BLTP1: variants seen among roughly 807,000 people sequenced by gnomAD.
The protein encoded by BLTP1 is fragile site-associated protein.
At chr4:122,325,961 A>C in the BLTP1 span, 5 of 525,556 alleles carry the variant, frequency 9.5e-6, no homozygotes, top group African/African-American at 2.0e-5. Context: ...AAACTAATCA[A>C]CCACACTGAA....
chr4:122,246,047 A>C, the BLTP1 span: 1 of 1,264,758 alleles, frequency 7.9e-7, no homozygotes, highest in Middle Eastern at 2.2e-4. Context: ...CGCAGCTGGC[A>C]CATAGATAGG....
At chr4:122,241,243 C>T in the BLTP1 span, among the ~76,000 whole-genome samples, 1 of 152,158 alleles carries the variant, frequency 6.6e-6, no homozygotes, top group Admixed American at 6.5e-5. Flanking sequence ...GAGGCAACTG[C>T]CTTCCTAAAG....
the BLTP1 span, chr4:122,347,843 C>T: frequency 8.3e-7 from 1 of 1,202,840 alleles, no homozygotes; most frequent in Non-Finnish European, 1.2e-6. Context: ...CTTAGTTACT[C>T]TCAGATTTCA....
the BLTP1 span, chr4:122,289,798 T>C: frequency 2.0e-6 from 2 of 982,024 alleles, no homozygotes; most frequent in Non-Finnish European, 2.4e-6. Context: ...GTTTCCTTTA[T>C]GCTCATGGAT....
chr4:122,337,089 C>T, the BLTP1 span: 1 of 1,375,848 alleles, frequency 7.3e-7, no homozygotes, highest in Non-Finnish European at 1.0e-6. Flanking sequence ...TTGAACATTT[C>T]AACATTATTA....
the BLTP1 span, chr4:122,188,002 A>G: frequency 6.3e-7 from 1 of 1,594,772 alleles, no homozygotes; most frequent in African/African-American, 1.4e-5. Context: ...ATCTTGACCA[A>G]TTCATGCATA....
At chr4:122,223,979 T>C in the BLTP1 span, 1 of 975,598 alleles carries the variant, frequency 1.0e-6, no homozygotes, top group African/African-American at 1.7e-5. Flanking sequence ...TACGTGCTGC[T>C]TTTTAGTAGT....
chr4:122,265,775 T>C, the BLTP1 span, among the ~76,000 whole-genome samples: 355 of 152,272 alleles, frequency 2.3e-3, 1 homozygote, highest in Admixed American at 4.6e-3. Flanking sequence ...CTTGGCTCAC[T>C]GCAAGCTCCA....
chr4:122,305,317 C>T, the BLTP1 span: 68 of 968,382 alleles, frequency 7.0e-5, no homozygotes, highest in Non-Finnish European at 7.7e-5. Flanking sequence ...TAAGTGTATA[C>T]CTTTCCTGTA....
At chr4:122,309,132 T>C in the BLTP1 span, 1 of 1,266,170 alleles carries the variant, frequency 7.9e-7, no homozygotes, top group South Asian at 1.8e-5. Flanking sequence ...AAAGGCATCT[T>C]TCTAAGCTGC....
the BLTP1 span, chr4:122,292,940 A>G: frequency 5.3e-6 from 2 of 377,262 alleles, no homozygotes; most frequent in Non-Finnish European, 3.6e-6. Flanking sequence ...CAAGGAACTG[A>G]TACCCCAAAG....
chr4:122,206,841 A>AT, the BLTP1 span, among the ~76,000 whole-genome samples: 10 of 150,874 alleles, frequency 6.6e-5, no homozygotes, highest in South Asian at 2.1e-4. Flanking sequence ...ACAGCAGGTG[A>AT]TTTTTTTTTA....
chr4:122,257,915 C>T, the BLTP1 span, among the ~76,000 whole-genome samples: 2 of 152,104 alleles, frequency 1.3e-5, no homozygotes, highest in East Asian at 3.9e-4. Flanking sequence ...ATAAGTAGAA[C>T]GTTTTGAATG....
At chr4:122,202,577 T>G in the BLTP1 span, 1 of 949,536 alleles carries the variant, frequency 1.1e-6, no homozygotes, top group South Asian at 4.9e-5. Flanking sequence ...CACTTAAGAT[T>G]TTGTATTTTT....
chr4:122,285,451 C>G, the BLTP1 span, among the ~76,000 whole-genome samples: 13 of 152,134 alleles, frequency 8.5e-5, no homozygotes, highest in African/African-American at 3.1e-4. Context: ...GTCAAGGAGT[C>G]TCTTGGTTGG....
chr4:122,291,909 G>C, the BLTP1 span: 1 of 735,828 alleles, frequency 1.4e-6, no homozygotes, highest in Non-Finnish European at 1.7e-6. Context: ...AGGTATTCAA[G>C]GTTGTGATAG....
chr4:122,295,656 G>A, the BLTP1 span, among the ~76,000 whole-genome samples: 1 of 151,812 alleles, frequency 6.6e-6, no homozygotes, highest in Non-Finnish European at 1.5e-5. Context: ...AAAACTTCAG[G>A]CCAATATCCC....
chr4:122,240,437 T>C, the BLTP1 span: 2 of 1,185,918 alleles, frequency 1.7e-6, no homozygotes, highest in African/African-American at 1.5e-5. Flanking sequence ...ATTACTCTCA[T>C]TCTTTTTAGC....
At chr4:122,226,724 G>A in the BLTP1 span, 1 of 1,613,598 alleles carries the variant, frequency 6.2e-7, no homozygotes, top group Non-Finnish European at 8.5e-7. Context: ...GCCTCTTGGA[G>A]TGGGGACAGA....
Sources: gnomAD v4.1 joint callset for allele counts (sites outside exome capture counted in the v4.1 genomes callset) on GRCh38, gnomAD v4.1.1 for gene constraint, MANE v1.5 for transcripts, NCBI Gene and HGNC (gene_info 2026-07-23, HGNC 2026-07-21) for gene names.